Variants in ATP2C2 observed in about 807,000 individuals in gnomAD.
ATP2C2 encodes calcium-transporting ATPase type 2C member 2.
In ATP2C2, 171 loss-of-function variants were observed where a neutral mutation model predicts 110.8. The ratio of observed to expected loss-of-function variants is 1.54; its 90% CI spans 1.36 to 1.75. The LOEUF (loss-of-function observed/expected upper bound fraction) is 1.75. Ranked by LOEUF, ATP2C2 falls within the 40% of genes most tolerant of loss-of-function variation. The pLI, the probability that ATP2C2 is intolerant of heterozygous loss-of-function variation, is 0.00. For synonymous variants in ATP2C2, 804 were observed against 508.4 expected, an observed-to-expected ratio of 1.58 and a Z score of -7.82; for missense variants, 1,963 against 1,235.0, an observed-to-expected ratio of 1.59 and a Z score of -8.84.
chr16:84,417,421 A>G (rs549750255), intron 7 of ATP2C2, among the ~76,000 whole-genome samples: 5 of 152,342 alleles, frequency 3.3e-5, no homozygotes, highest in Admixed American at 1.3e-4. Context: ...GAAACAAGCT[A>G]TGACCCATGC....
At chr16:84,461,130 A>G (rs1162211535) in intron 24 of ATP2C2, 4 of 335,036 alleles carry the variant, frequency 1.2e-5, no homozygotes, top group South Asian at 4.7e-5. Context: ...AATCTGCTAA[A>G]TATCCTCCTG....
At chr16:84,403,883 C>G (rs1905520421) in intron 2 of ATP2C2, among the ~76,000 whole-genome samples, 1 of 152,124 alleles carries the variant, frequency 6.6e-6, no homozygotes, top group Non-Finnish European at 1.5e-5. Context: ...TAGAGACGGG[C>G]TTTTGCCATG....
intron 2 of ATP2C2, among the ~76,000 whole-genome samples, chr16:84,401,122 A>G (rs1048589009): frequency 2.0e-5 from 3 of 151,014 alleles, no homozygotes; most frequent in Non-Finnish European, 4.4e-5. Context: ...CTTGTAGTAT[A>G]TTACTCAAGA....
At position 84,463,827 on chromosome 16, in the gene ATP2C2, G is replaced by A; in HGVS notation, c.*95G>A. The A allele has an allele frequency of 9.0e-7, 1 of 1,107,200 alleles. No individual in the cohort carries two copies. Among genetic ancestry groups the A allele is most frequent in the South Asian group, 1.3e-5 (1 of 74,794 alleles). The allele number at this position is 1,107,200 out of a possible 1,614,324, so 68.6% of individuals were successfully genotyped here. Reference sequence around the variant, plus strand: ...CCTCGTCAGGGGAGACTTTTAGGAGGCCGCAGCCTTCCATCACCGGATCAG... The same window carrying A: ...CCTCGTCAGGGGAGACTTTTAGGAGACCGCAGCCTTCCATCACCGGATCAG... On this transcript the variant is annotated 3_prime_UTR_variant, in exon 27 of 27. Coordinates refer to ENST00000262429, the MANE Select transcript of ATP2C2 (RefSeq NM_014861.4).
At position 84,412,351 on chromosome 16, in the gene ATP2C2, C is replaced by CGTGTGT. The variant is rs1230470213; in HGVS notation, c.515+1589_515+1590insTGTGTG. 1.3e-4 allele frequency among the ~76,000 whole-genome samples: 8 copies of CGTGTGT among 63,380 alleles called. No homozygotes were observed. The East Asian group carries it at 2.7e-3, about 21-fold the overall frequency. The allele number at this position is 63,380 out of a possible 152,430, so 41.6% of individuals were successfully genotyped here. A position where few individuals can be genotyped will look rare whatever the true frequency, so the allele number is the denominator to read the frequency against. Reference sequence around the variant, plus strand: ...GTGTGTGTCTGTATGCGTGTGTCTGCGTGCGTGTGTGCATGTGTGTGTGCG... The same window carrying CGTGTGT: ...GTGTGTGTCTGTATGCGTGTGTCTGCGTGTGTGTGCGTGTGTGCATGTGTGTGTGCG... On this transcript the variant is annotated intron_variant, in intron 6 of 26. Transcript: ENST00000262429.
chr16:84,389,816 G>T (rs1904545103), intron 1 of ATP2C2, among the ~76,000 whole-genome samples: 2 of 151,756 alleles, frequency 1.3e-5, no homozygotes, highest in African/African-American at 4.8e-5. Context: ...TGCCTCCTGG[G>T]TCCAAGCAGT....
rs369750638 is a variant in ATP2C2, at chr16:84,440,841, C to T, written c.1210-16C>T. Reference sequence around the variant, plus strand: ...TTGACTCTTGGCGAAACCCTTTCTTCTGCCTCGCCCTGCAGGTCAGCGGAG... The same window carrying T: ...TTGACTCTTGGCGAAACCCTTTCTTTTGCCTCGCCCTGCAGGTCAGCGGAG... On this transcript the variant is annotated splice_polypyrimidine_tract_variant and intron_variant, in intron 13 of 26. Transcript: ENST00000262429. 4 of 1,600,160 alleles carry T rather than the reference C, an allele frequency of 2.5e-6. No individual in the cohort carries two copies. Among genetic ancestry groups the T allele is most frequent in the Non-Finnish European group, 2.6e-6 (3 of 1,170,610 alleles).
chr16:84,392,893 A>G (rs8049966), intron 1 of ATP2C2, among the ~76,000 whole-genome samples: 4 of 152,070 alleles, frequency 2.6e-5, no homozygotes, highest in Non-Finnish European at 4.4e-5. Context: ...TTTCCTGTCA[A>G]CTGGTGGGTG....
At position 84,453,374 on chromosome 16, in the gene ATP2C2, T is replaced by A; in HGVS notation, c.1980+3T>A. On this transcript the variant is annotated splice_donor_region_variant and intron_variant, in intron 20 of 26. Coordinates refer to ENST00000262429, the MANE Select transcript of ATP2C2 (RefSeq NM_014861.4). Reference sequence around the variant, plus strand: ...AGCACAAGCTCAAAATCATCAAGGTTCGCTGGGCAAGGCAGGCACAGGCTG... The same window carrying A: ...AGCACAAGCTCAAAATCATCAAGGTACGCTGGGCAAGGCAGGCACAGGCTG... 6.2e-7 allele frequency: 1 copy of A among 1,614,080 alleles called. No individual in the cohort carries two copies. The highest frequency in any genetic ancestry group is 8.5e-7 in the Non-Finnish European group (1 of 1,179,978).
rs1046632227 is a variant in ATP2C2 at position 84,413,100 on chromosome 16, A to T, written c.515+2335A>T. Among the ~76,000 whole-genome samples the T allele has an allele frequency of 1.8e-4, 9 of 49,636 alleles. No individual in the cohort carries two copies. In the South Asian group the frequency reaches 3.8e-3, roughly 21 times the overall value. 32.6% of individuals were successfully genotyped at this position (49,636 alleles called of 152,430 possible). On this transcript the variant is annotated intron_variant, in intron 6 of 26. Transcript: ENST00000262429. The stretch of plus-strand genomic sequence containing the variant: ...GCGATAAGAGCGAAACTCTGTCTCA[A>T]AAAAAAAAAAAAAAAGTATCTCATG...
rs1911621033 is a variant in ATP2C2 at position 84,463,624 on chromosome 16, T to C, written c.2733T>C (p.Phe911=). The C allele has an allele frequency of 6.2e-7, 1 of 1,614,002 alleles. No homozygotes were observed. Among genetic ancestry groups the C allele is most frequent in the Non-Finnish European group, 8.5e-7 (1 of 1,179,842 alleles). The change falls in exon 27 of 27, where the codon TTT becomes TTC. Residue 911 remains phenylalanine, a synonymous_variant. Coordinates refer to ENST00000262429, the MANE Select transcript of ATP2C2 (RefSeq NM_014861.4). ...TENLGALDLL[F]LTGLASSVFI... is the part of the protein sequence containing the mutation. The stretch of plus-strand genomic sequence containing the variant: ...TTTCTCCCTTGGCAGATTTGCTGTT[T>C]TTAACTGGATTGGCCTCATCCGTCT...
At chr16:84,460,535 A>G in intron 23 of ATP2C2, 119 bp from the exon 24 acceptor site, 1 of 1,438,378 alleles carries the variant, frequency 7.0e-7, no homozygotes, top group Non-Finnish European at 9.7e-7. Flanking sequence ...GGCGTTCAGC[A>G]AATGCCTGGC....
rs956477759 is a variant in ATP2C2 at position 84,463,705 on chromosome 16, A to T, written c.2814A>T (p.Arg938Ser). 1.8e-5 allele frequency: 29 copies of T among 1,613,916 alleles called. No homozygotes were observed. In the African/African-American group the frequency reaches 3.9e-4, roughly 22 times the overall value. Residue 938 changes from arginine (R) to serine (S), a missense_variant, in exon 27 of 27, where the codon AGA becomes AGT. By Grantham distance (110) the Arg-to-Ser change is moderately radical. Coordinates refer to ENST00000262429, the MANE Select transcript of ATP2C2 (RefSeq NM_014861.4). ...LCEKYCCSPK[R>S]VQMHPEDV Reference sequence around the variant, plus strand: ...AAAAATACTGTTGCAGCCCCAAGAGAGTCCAGATGCACCCTGAAGATGTGT... The same window carrying T: ...AAAAATACTGTTGCAGCCCCAAGAGTGTCCAGATGCACCCTGAAGATGTGT...
At chr16:84,406,715 A>C in intron 3 of ATP2C2, 1 of 916,576 alleles carries the variant, frequency 1.1e-6, no homozygotes, top group Non-Finnish European at 1.3e-6. Flanking sequence ...GAGGCAGTGG[A>C]GGCTCCCGGA....
intron 1 of ATP2C2, 145 bp from the exon 2 acceptor site, chr16:84,398,354 T>A (rs1161067480): frequency 5.1e-6 from 2 of 392,226 alleles, no homozygotes; most frequent in African/African-American, 2.1e-5. Context: ...TGTGGTGAGC[T>A]GAGATCATGA....
chr16:84,449,972 C>G (rs759634575), intron 17 of ATP2C2, among the ~76,000 whole-genome samples: 1 of 152,236 alleles, frequency 6.6e-6, no homozygotes, highest in Non-Finnish European at 1.5e-5. Flanking sequence ...TGAATCCCCA[C>G]CGGGCAGAGG....
intron 13 of ATP2C2, among the ~76,000 whole-genome samples, 162 bp from the exon 14 acceptor site, chr16:84,440,695 C>T (rs1909167649): frequency 6.6e-6 from 1 of 152,208 alleles, no homozygotes; most frequent in Non-Finnish European, 1.5e-5. Flanking sequence ...ATGACGTATC[C>T]AATTAATCAA....
intron 21 of ATP2C2, 138 bp downstream of exon 21, chr16:84,455,122 G>C (rs948450352): frequency 2.0e-5 from 23 of 1,134,904 alleles, no homozygotes; most frequent in Non-Finnish European, 2.7e-5. Flanking sequence ...GGGCTCGTCA[G>C]TGTGGCAGGT....
intron 23 of ATP2C2, 64 bp downstream of exon 23, chr16:84,459,450 C>A (rs1333561496): frequency 7.5e-6 from 12 of 1,603,250 alleles, no homozygotes; most frequent in African/African-American, 4.0e-5. Flanking sequence ...CCTCCAGGGG[C>A]TGCTGGCTGT....
Sources: allele counts gnomAD v4.1 joint callset (sites outside exome capture counted in the v4.1 genomes callset), GRCh38; gene constraint gnomAD v4.1.1; transcripts MANE v1.5; gene names NCBI Gene and HGNC (gene_info 2026-07-23, HGNC 2026-07-21).